The following AGO2 variants were observed in gnomAD, a reference collection of about 807,000 sequenced individuals.
AGO2 encodes argonaute RISC catalytic component 2, also known as protein argonaute-2.
A neutral mutation model predicts 102.3 loss-of-function variants in AGO2; 5 were observed. That is an observed-to-expected ratio of 0.05 (90% confidence interval 0.03 to 0.10). The LOEUF (loss-of-function observed/expected upper bound fraction) is 0.10. AGO2 is among the 10% of genes least tolerant of loss of function. The pLI is 1.00. For missense variants in AGO2, 541 were observed against 1,183.7 expected, an observed-to-expected ratio of 0.46 and a Z score of 7.97; for synonymous variants, 449 against 473.1, an observed-to-expected ratio of 0.95 and a Z score of 0.66.
rs994335514 is a variant in AGO2, at chr8:140,539,332, G to C, written c.2157C>G (p.Asp719Glu). 1.2e-6 allele frequency: 2 copies of C among 1,610,810 alleles called. No homozygotes were observed. Among genetic ancestry groups the C allele is most frequent in the Non-Finnish European group, 1.7e-6 (2 of 1,178,362 alleles). ...TGCAGAAACTCACCCGCTCGTTCTT[G>C]TCAGTGCAGAAGAGCCGGGTGTGGT... ...KRHHTRLFCT[D>E]KNERVGKSGN... The change falls in exon 16 of 19, where the codon GAC (aspartate) becomes GAG (glutamate). Residue 719 changes from aspartate (D) to glutamate (E), a missense_variant. By Grantham distance (45) the Asp-to-Glu change is conservative (BLOSUM62 2). This residue lies in a region of AGO2 where 309 missense variants were observed against 735.1 expected (regional missense o/e 0.42). Transcript: ENST00000220592. The surrounding 1 kb of genome is among the most constrained non-coding windows in gnomAD (Gnocchi z 4.7).
At chr8:140,535,303 C>A (rs144199325) in intron 17 of AGO2, 165 bp downstream of exon 17, 4 of 690,780 alleles carry the variant, frequency 5.8e-6, no homozygotes, top group Non-Finnish European at 9.9e-6. Flanking sequence ...CCCCTCTCCC[C>A]ACCCCAGCGC....
Position 140,545,023 on chromosome 8 carries a change from G to A in AGO2, c.1749-720C>T, listed in dbSNP as rs538260729. 3.2e-4 allele frequency among the ~76,000 whole-genome samples: 48 copies of A among 152,308 alleles called. No homozygotes were observed. In the South Asian group the frequency reaches 9.7e-3, roughly 31 times the overall value. On this transcript the variant is annotated intron_variant, in intron 13 of 18. Transcript: ENST00000220592. ...ACCCAGCCTTGCTCGGCTGCTGCAG[G>A]CAACATCAGGAAGCATCAGAAGTGG...
chr8:140,535,098 C>T (rs2072672815), intron 17 of AGO2, among the ~76,000 whole-genome samples: 1 of 152,210 alleles, frequency 6.6e-6, no homozygotes. Context: ...CCCATGCGGC[C>T]CCTGCAGCAG....
At chr8:140,640,413 C>T (rs1207838632), upstream of AGO2, among the ~76,000 whole-genome samples, 1 of 152,134 alleles carries the variant, frequency 6.6e-6, no homozygotes, top group African/African-American at 2.4e-5. Flanking sequence ...CACTTACTTA[C>T]AGCCCCCTAA....
In AGO2 at chr8:140,539,831, G is replaced by A. The variant is rs1043053720; in HGVS notation, c.2035-377C>T. ...GGGCTGGGCGCAGTGGCTCATGCCTGTAATCCCAGGACTTTGGGAGGCCGA... is the reference window on the plus strand; with the variant it reads ...GGGCTGGGCGCAGTGGCTCATGCCTATAATCCCAGGACTTTGGGAGGCCGA... On this transcript the variant is annotated intron_variant, in intron 15 of 18. Coordinates refer to ENST00000220592, the MANE Select transcript of AGO2 (RefSeq NM_012154.5). This position sits in a 1 kb window ranked among gnomAD's most constrained non-coding sequence, Gnocchi z 4.7. Among the ~76,000 whole-genome samples, 1 of 152,238 alleles carries A rather than the reference G, an allele frequency of 6.6e-6. No individual in the cohort carries two copies. The highest frequency in any genetic ancestry group is 1.5e-5 in the Non-Finnish European group (1 of 68,042).
chr8:140,559,556 C>T (rs775990896), intron 5 of AGO2, 27 bp from the exon 6 acceptor site: 13 of 1,613,176 alleles, frequency 8.1e-6, no homozygotes, highest in Non-Finnish European at 1.1e-5. Flanking sequence ...AGGCAAAGGC[C>T]TAAGCATGAC....
rs2072491190 is a variant in AGO2 at position 140,525,603 on chromosome 8, C to G, written c.*6441G>C. The G allele has an allele frequency of 6.6e-6, 1 of 152,248 alleles. No homozygotes were observed. The highest frequency in any genetic ancestry group is 2.4e-5 in the African/African-American group (1 of 41,432). The allele number at this position is 152,248 out of a possible 1,614,324, so 9.4% of individuals were successfully genotyped here. A position where few individuals can be genotyped will look rare whatever the true frequency, so the allele number is the denominator to read the frequency against. On this transcript the variant is annotated 3_prime_UTR_variant, in exon 19 of 19. Transcript: ENST00000220592. ...AGCAGAGTGTTAAAGGCAATTGCTT[C>G]CAGGTAGTGACGTAGTAGAACCGCC...
rs1405075636 is a variant in AGO2, at chr8:140,526,070, AC to A, written c.*5973del. ...TGTTTTGCAGTAGGGAGTGAGAGTAACCCGAGGTCCCAAAGTCAAAGGCCAA... is the reference window on the plus strand; with the variant it reads ...TGTTTTGCAGTAGGGAGTGAGAGTAACCGAGGTCCCAAAGTCAAAGGCCAA... On this transcript the variant is annotated 3_prime_UTR_variant, in exon 19 of 19. Coordinates refer to ENST00000220592, the MANE Select transcript of AGO2 (RefSeq NM_012154.5). The surrounding 1 kb of genome is among the most constrained non-coding windows in gnomAD (Gnocchi z 5.2). 2 of 152,166 alleles carry A rather than the reference AC, an allele frequency of 1.3e-5. No individual in the cohort carries two copies. The highest frequency in any genetic ancestry group is 4.8e-5 in the African/African-American group (2 of 41,436). 9.4% of individuals were successfully genotyped at this position (152,166 alleles called of 1,614,324 possible).
intron 16 of AGO2, among the ~76,000 whole-genome samples, 183 bp from the exon 17 acceptor site, chr8:140,535,752 A>C (rs2072685070): frequency 1.3e-5 from 2 of 152,250 alleles, no homozygotes; most frequent in Admixed American, 1.3e-4. Context: ...ACCAGGTTAA[A>C]TGAATTAATG....
chr8:140,629,886 A>AGGAGGGGAGGGGAGGGGAGC (rs1554598453), intron 1 of AGO2, among the ~76,000 whole-genome samples: 2 of 58,936 alleles, frequency 3.4e-5, no homozygotes, highest in Non-Finnish European at 6.6e-5. Flanking sequence ...CAGGGGGAAG[A>AGGAGGGGAGGGGAGGGGAGC]GGAGGGGAGG....
At chr8:140,579,373 T>C (rs1361448947) in intron 2 of AGO2, among the ~76,000 whole-genome samples, 1 of 152,220 alleles carries the variant, frequency 6.6e-6, no homozygotes, top group Non-Finnish European at 1.5e-5. Context: ...ATTATTTTTA[T>C]ACACATGGTA....
rs1564063535 is a variant in AGO2 at position 140,522,666 on chromosome 8, A to AG, written c.*9377_*9378insC. 6.4e-4 allele frequency: 85 copies of AG among 131,988 alleles called. 1 individual carries two copies. The highest frequency in any genetic ancestry group is 2.1e-3 in the African/African-American group (70 of 33,416). 8.2% of individuals were successfully genotyped at this position (131,988 alleles called of 1,614,324 possible). Reference sequence around the variant, plus strand: ...AGCTATGGCCATAGCCAAGCTAGACAAGAGAGAGAGAGAGAGACAGAGACA... The same window carrying AG: ...AGCTATGGCCATAGCCAAGCTAGACAGAGAGAGAGAGAGAGAGACAGAGACA... On this transcript the variant is annotated 3_prime_UTR_variant, in exon 19 of 19. Transcript: ENST00000220592.
In AGO2 at chr8:140,528,476, G is replaced by C. The variant is rs1212553655; in HGVS notation, c.*3568C>G. 6.6e-6 allele frequency: 1 copy of C among 152,212 alleles called. No individual in the cohort carries two copies. Among genetic ancestry groups the C allele is most frequent in the Non-Finnish European group, 1.5e-5 (1 of 68,058 alleles). 9.4% of individuals were successfully genotyped at this position (152,212 alleles called of 1,614,324 possible). On this transcript the variant is annotated 3_prime_UTR_variant, in exon 19 of 19. Coordinates refer to ENST00000220592, the MANE Select transcript of AGO2 (RefSeq NM_012154.5). The surrounding 1 kb of genome is among the most constrained non-coding windows in gnomAD (Gnocchi z 4.5). ...ACGGGGGTAAACATTAGTGATAGCA[G>C]TTTAGGTCAGCCTCAAACAAACAGC...
At chr8:140,638,059 C>T (rs1010721367), upstream of AGO2, 3 of 152,250 alleles carry the variant, frequency 2.0e-5, no homozygotes, top group Non-Finnish European at 4.4e-5. Context: ...AGACCGTGGG[C>T]TCTAATCACA....
At chr8:140,554,282 CG>C (rs2073055976) in intron 10 of AGO2, among the ~76,000 whole-genome samples, 1 of 152,106 alleles carries the variant, frequency 6.6e-6, no homozygotes, top group Admixed American at 6.5e-5. Flanking sequence ...TCTGGGGCCT[CG>C]GGGGACAAGC....
rs137906405 is a variant in AGO2 at position 140,572,721 on chromosome 8, G to A, written c.336+91C>T. ...CTCTCCTCCTCAGTGAAATAGTTTC[G>A]TGTATGAGAACAGGCATGACAGACT... On this transcript the variant is annotated intron_variant, in intron 3 of 18. Transcript: ENST00000220592. The A allele has an allele frequency of 2.5e-3, 3,812 of 1,501,916 alleles. 10 individuals are homozygous for A. The highest frequency in any genetic ancestry group is 2.8e-3 in the Non-Finnish European group (3,167 of 1,119,100). 93.0% of individuals were successfully genotyped at this position (1,501,916 alleles called of 1,614,324 possible). A position where few individuals can be genotyped will look rare whatever the true frequency, so the allele number is the denominator to read the frequency against.
intron 1 of AGO2, among the ~76,000 whole-genome samples, chr8:140,626,217 T>C (rs528392212): frequency 1.4e-4 from 21 of 152,290 alleles, no homozygotes; most frequent in Admixed American, 9.1e-4. Flanking sequence ...TGGGTCTGTA[T>C]AGAGGTGAGT....
chr8:140,630,423 C>T (rs989304157), intron 1 of AGO2, among the ~76,000 whole-genome samples: 3 of 152,334 alleles, frequency 2.0e-5, no homozygotes, highest in Middle Eastern at 3.4e-3. Flanking sequence ...TTGGTCACAA[C>T]GTGTAAAGGA....
chr8:140,552,630 T>G (rs191129967), intron 10 of AGO2, among the ~76,000 whole-genome samples: 10 of 152,328 alleles, frequency 6.6e-5, no homozygotes, highest in Admixed American at 1.3e-4. Context: ...AGCCTCCCTG[T>G]GTGCAAGAGT....
Sources: allele counts gnomAD v4.1 joint callset (sites outside exome capture counted in the v4.1 genomes callset), GRCh38; gene constraint gnomAD v4.1.1; regional missense constraint gnomAD v4.1.1; non-coding constraint Gnocchi (gnomAD v3.1); transcripts MANE v1.5; gene names NCBI Gene and HGNC (gene_info 2026-07-23, HGNC 2026-07-21).